Variants in IMMP2L observed in about 807,000 individuals in gnomAD.
IMMP2L encodes the protein mitochondrial inner membrane protease subunit 2.
IMMP2L carries 18 observed loss-of-function variants against 19.3 expected under a neutral mutation model. The observed-to-expected ratio is 0.93, with a 90% CI of 0.64 to 1.38. The LOEUF (loss-of-function observed/expected upper bound fraction) is 1.38. IMMP2L is among the 40% of genes most tolerant of loss of function. The pLI, the probability that IMMP2L is intolerant of heterozygous loss-of-function variation, is 0.00. For synonymous variants in IMMP2L, 76 were observed against 73.0 expected, an observed-to-expected ratio of 1.04 and a Z score of -0.21; for missense variants, 233 against 218.2, an observed-to-expected ratio of 1.07 and a Z score of -0.43.
intron 5 of IMMP2L, among the ~76,000 whole-genome samples, chr7:110,672,495 C>T (rs1005551032): frequency 2.0e-5 from 3 of 152,124 alleles, no homozygotes; most frequent in African/African-American, 7.2e-5. Context: ...AACAGTCCCC[C>T]AAAGTCTTAA....
chr7:111,272,406 C>T (rs7811867), intron 3 of IMMP2L, among the ~76,000 whole-genome samples: 47,585 of 151,952 alleles, frequency 0.31, 8,287 homozygotes, highest in South Asian at 0.6. Context: ...TAAATCACTA[C>T]TATATTCTCA....
chr7:111,383,931 C>T (rs868222466), intron 3 of IMMP2L, among the ~76,000 whole-genome samples: 3 of 152,176 alleles, frequency 2.0e-5, no homozygotes, highest in Middle Eastern at 3.4e-3. Context: ...CTCATCTATG[C>T]TCTTGTGTCT....
chr7:111,218,949 AAAT>A (rs1812240796), intron 3 of IMMP2L, among the ~76,000 whole-genome samples: 1 of 152,064 alleles, frequency 6.6e-6, no homozygotes, highest in Non-Finnish European at 1.5e-5. Flanking sequence ...TTAAAATATG[AAAT>A]AACAAATACA....
At chr7:111,090,992 G>C (rs1796798942) in intron 3 of IMMP2L, 1 of 152,212 alleles carries the variant, frequency 6.6e-6, no homozygotes, top group African/African-American at 2.4e-5. Flanking sequence ...CAGTGTCATA[G>C]AACAGACAGT....
intron 3 of IMMP2L, among the ~76,000 whole-genome samples, chr7:111,079,284 A>AT (rs35906877): frequency 0.72 from 104,772 of 144,938 alleles, 42,051 homozygotes; most frequent in Non-Finnish European, 0.89. Flanking sequence ...CGCCCGGCTA[A>AT]TTTTTTGTAT....
chr7:110,767,174 T>A (rs539411964), intron 5 of IMMP2L, among the ~76,000 whole-genome samples: 49 of 152,248 alleles, frequency 3.2e-4, no homozygotes, highest in African/African-American at 1.2e-3. Flanking sequence ...CATATTGTTG[T>A]TGCTTATGAG....
chr7:110,755,825 G>A (rs766103008), intron 5 of IMMP2L, among the ~76,000 whole-genome samples: 20 of 152,026 alleles, frequency 1.3e-4, no homozygotes, highest in Non-Finnish European at 2.4e-4. Flanking sequence ...GGGATTAGAG[G>A]CCATGCAAAA....
intron 5 of IMMP2L, among the ~76,000 whole-genome samples, chr7:110,817,060 C>T (rs1802589297): frequency 6.6e-6 from 1 of 151,964 alleles, no homozygotes; most frequent in Non-Finnish European, 1.5e-5. Flanking sequence ...TCTTCCTAGC[C>T]TTGATGGTCT....
chr7:110,770,863 A>T (rs1798986709), intron 5 of IMMP2L, among the ~76,000 whole-genome samples: 1 of 152,142 alleles, frequency 6.6e-6, no homozygotes, highest in Non-Finnish European at 1.5e-5. Context: ...TTATGGCAAA[A>T]GGAATATCTG....
intron 3 of IMMP2L, among the ~76,000 whole-genome samples, chr7:111,105,845 A>AT (rs1249588486): frequency 2.6e-5 from 4 of 151,924 alleles, no homozygotes; most frequent in Non-Finnish European, 5.9e-5. Flanking sequence ...ATTGTCTTTT[A>AT]TAGCATCCCC....
At chr7:111,401,831 C>T (rs921455132) in intron 3 of IMMP2L, among the ~76,000 whole-genome samples, 2 of 152,010 alleles carry the variant, frequency 1.3e-5, no homozygotes, top group African/African-American at 4.8e-5. Flanking sequence ...ATTATTAAAC[C>T]ATTATTTATT....
chr7:110,970,073 A>C (rs1819976325), intron 3 of IMMP2L, among the ~76,000 whole-genome samples: 1 of 152,178 alleles, frequency 6.6e-6, no homozygotes, highest in Non-Finnish European at 1.5e-5. Context: ...AAAATTTAAT[A>C]AGCAAATAGT....
At chr7:110,997,306 AT>A (rs1447180956) in intron 3 of IMMP2L, among the ~76,000 whole-genome samples, 1 of 151,992 alleles carries the variant, frequency 6.6e-6, no homozygotes, top group African/African-American at 2.4e-5. Flanking sequence ...GTTGAAGGAT[AT>A]TTGGGTTGTT....
At chr7:110,999,427 T>C (rs2129560970) in intron 3 of IMMP2L, among the ~76,000 whole-genome samples, 1 of 151,820 alleles carries the variant, frequency 6.6e-6, no homozygotes. Context: ...CTTCTTGCTC[T>C]ATTTTCTGCA....
intron 3 of IMMP2L, chr7:111,390,675 T>C (rs925971626): frequency 4.6e-5 from 7 of 152,154 alleles, no homozygotes; most frequent in African/African-American, 1.7e-4. Flanking sequence ...TTATGGTCCA[T>C]TAGCTCCTGC....
At chr7:111,159,020 C>G (rs776843896) in intron 3 of IMMP2L, among the ~76,000 whole-genome samples, 6 of 152,160 alleles carry the variant, frequency 3.9e-5, no homozygotes, top group Admixed American at 6.5e-5. Context: ...AAGTTCTAAA[C>G]TAGGTCACAT....
intron 4 of IMMP2L, among the ~76,000 whole-genome samples, chr7:110,917,023 G>C (rs1813686728): frequency 6.6e-6 from 1 of 152,106 alleles, no homozygotes; most frequent in Non-Finnish European, 1.5e-5. Context: ...ACTTAATTAA[G>C]GATTTCAAGA....
intron 1 of IMMP2L, among the ~76,000 whole-genome samples, chr7:111,524,262 T>A (rs574411232): frequency 4.8e-4 from 73 of 151,944 alleles, no homozygotes; most frequent in Middle Eastern, 3.4e-3. Flanking sequence ...TATATATAAA[T>A]AAATAAATAA....
chr7:111,146,598 A>G (rs1803503935), intron 3 of IMMP2L, among the ~76,000 whole-genome samples: 1 of 152,086 alleles, frequency 6.6e-6, no homozygotes, highest in African/African-American at 2.4e-5. Flanking sequence ...AGAAAGCAAG[A>G]GCCCCTACAT....
Sources: allele counts gnomAD v4.1 joint callset (sites outside exome capture counted in the v4.1 genomes callset), GRCh38; gene constraint gnomAD v4.1.1; transcripts MANE v1.5; gene names NCBI Gene and HGNC (gene_info 2026-07-23, HGNC 2026-07-21).